GRAMD1C: variants seen among roughly 807,000 people sequenced by gnomAD.
GRAMD1C encodes the protein protein Aster-C.
In GRAMD1C, 89 loss-of-function variants were observed where a neutral mutation model predicts 97.8. That is an observed-to-expected ratio of 0.91 (90% CI 0.77 to 1.09). The LOEUF (loss-of-function observed/expected upper bound fraction) is 1.09. Among genes scored for constraint, GRAMD1C ranks in the 50% least tolerant of loss-of-function variants. The pLI is 0.00. For synonymous variants in GRAMD1C, 256 were observed against 267.0 expected, an observed-to-expected ratio of 0.96 and a Z score of 0.40; for missense variants, 740 against 766.4, an observed-to-expected ratio of 0.97 and a Z score of 0.41.
chr3:113,834,427 C>G (rs1015312114), upstream of GRAMD1C, among the ~76,000 whole-genome samples: 1 of 152,046 alleles, frequency 6.6e-6, no homozygotes, highest in South Asian at 2.1e-4. Context: ...GATCCACCTG[C>G]CTTGGTCTCC....
Position 113,933,616 on chromosome 3 carries a change from T to C in GRAMD1C, c.1315T>C (p.Cys439Arg). 1 of 1,605,006 alleles carries C rather than the reference T, an allele frequency of 6.2e-7. No homozygotes were observed. The highest frequency in any genetic ancestry group is 8.5e-7 in the Non-Finnish European group (1 of 1,171,772). The stretch of plus-strand genomic sequence containing the variant: ...TTACTTCTATACCGTGAACAGATAC[T>C]GTATCATCCGATCTTCAAAACAGAA... ...HDYFYTVNRY[C>R]IIRSSKQKCR... is the part of the protein sequence containing the mutation. The change falls in exon 12 of 18, where the codon TGT becomes CGT. Residue 439 changes from cysteine (C) to arginine (R), a missense_variant. Cys to Arg is a radical substitution (Grantham distance 180). Transcript: ENST00000358160.
chr3:113,869,087 C>T (rs1934692852), intron 2 of GRAMD1C, among the ~76,000 whole-genome samples: 1 of 152,020 alleles, frequency 6.6e-6, no homozygotes, highest in Non-Finnish European at 1.5e-5. Flanking sequence ...TGTTCCCACC[C>T]CCAAAGAACT....
chr3:113,926,116 G>C (rs983465302), intron 10 of GRAMD1C, among the ~76,000 whole-genome samples: 4 of 152,140 alleles, frequency 2.6e-5, no homozygotes, highest in Non-Finnish European at 4.4e-5. Context: ...GGTTGGGGAA[G>C]TTTTTGTGGA....
chr3:113,897,587 T>C (rs958620876), intron 6 of GRAMD1C: 3 of 981,930 alleles, frequency 3.1e-6, no homozygotes, highest in African/African-American at 3.5e-5. Context: ...GAAAAGCTTC[T>C]CATAGCAAAA....
At position 113,939,991 on chromosome 3, in the gene GRAMD1C, T is replaced by C; in HGVS notation, c.1797T>C (p.Ser599=). 1 of 1,525,416 alleles carries C rather than the reference T, an allele frequency of 6.6e-7. No homozygotes were observed. Among genetic ancestry groups the C allele is most frequent in the Non-Finnish European group, 9.1e-7 (1 of 1,099,102 alleles). The allele number at this position is 1,525,416 out of a possible 1,614,324, so 94.5% of individuals were successfully genotyped here. A position where few individuals can be genotyped will look rare whatever the true frequency, so the allele number is the denominator to read the frequency against. ...FYRLRLQEEK[S]LNLASDMVSR... ...GTCTCCGCCTCCAAGAAGAGAAATC[T>C]TTAAAGTAAGTCTTTTTCCCCCTGA... The change falls in exon 16 of 18, where the codon TCT becomes TCC. Residue 599 remains serine, a synonymous_variant. Coordinates refer to ENST00000358160, the MANE Select transcript of GRAMD1C (RefSeq NM_017577.5).
chr3:113,855,722 G>T (rs1030313757), intron 2 of GRAMD1C, among the ~76,000 whole-genome samples: 1 of 150,722 alleles, frequency 6.6e-6, no homozygotes, highest in African/African-American at 2.4e-5. Context: ...AAAAAAGAAA[G>T]AAAAAAATCA....
intron 6 of GRAMD1C, among the ~76,000 whole-genome samples, chr3:113,892,259 G>T (rs182577589): frequency 1.4e-4 from 21 of 152,186 alleles, no homozygotes; most frequent in African/African-American, 5.1e-4. Flanking sequence ...ACCACCTGAG[G>T]TTAGGAGTTT....
At chr3:113,908,821 T>C (rs1936459467) in intron 8 of GRAMD1C, 137 bp from the exon 9 acceptor site, 6 of 550,810 alleles carry the variant, frequency 1.1e-5, no homozygotes, top group Non-Finnish European at 1.6e-5. Flanking sequence ...GGAAATGTGA[T>C]GCAAGTATAA....
chr3:113,859,019 T>C (rs1192533279), intron 2 of GRAMD1C, among the ~76,000 whole-genome samples: 1 of 152,212 alleles, frequency 6.6e-6, no homozygotes, highest in Non-Finnish European at 1.5e-5. Context: ...TTTATTATTT[T>C]TAAAGAATCA....
chr3:113,860,076 T>C (rs947253350), intron 2 of GRAMD1C, among the ~76,000 whole-genome samples: 9 of 152,168 alleles, frequency 5.9e-5, no homozygotes, highest in African/African-American at 9.7e-5. Flanking sequence ...GGCTGGAGTT[T>C]AGTGATGCAA....
At chr3:113,837,924 A>G (rs1709665877), upstream of GRAMD1C, among the ~76,000 whole-genome samples, 1 of 152,188 alleles carries the variant, frequency 6.6e-6, no homozygotes, top group Non-Finnish European at 1.5e-5. Context: ...AAAAGAGAAA[A>G]AAGAGTTATT....
At chr3:113,904,086 C>T in intron 7 of GRAMD1C, 54 bp from the exon 8 acceptor site, 4 of 1,429,066 alleles carry the variant, frequency 2.8e-6, no homozygotes, top group Non-Finnish European at 3.9e-6. Flanking sequence ...GAGACCAAAT[C>T]ATTTATTTGT....
chr3:113,899,008 C>A (rs1036884161), intron 6 of GRAMD1C, among the ~76,000 whole-genome samples: 2 of 151,386 alleles, frequency 1.3e-5, no homozygotes, highest in African/African-American at 2.4e-5. Context: ...AACAAAGATG[C>A]CATAGTTACT....
intron 10 of GRAMD1C, among the ~76,000 whole-genome samples, chr3:113,916,990 G>A (rs193024831): frequency 1.3e-3 from 201 of 152,112 alleles, no homozygotes; most frequent in African/African-American, 4.5e-3. Flanking sequence ...ACAAAAATTA[G>A]CTGGGCATGG....
chr3:113,912,946 T>C (rs1275261942), intron 9 of GRAMD1C: 2 of 251,388 alleles, frequency 8.0e-6, no homozygotes, highest in Non-Finnish European at 1.6e-5. Context: ...AAGTAGGCAT[T>C]TTAAGGACTC....
intron 2 of GRAMD1C, among the ~76,000 whole-genome samples, chr3:113,857,658 G>A (rs1307180695): frequency 1.3e-5 from 2 of 152,178 alleles, no homozygotes; most frequent in African/African-American, 4.8e-5. Context: ...TTACAGGCAT[G>A]AGCCACCGTG....
At chr3:113,900,639 G>C (rs914952056) in intron 6 of GRAMD1C, among the ~76,000 whole-genome samples, 1 of 150,886 alleles carries the variant, frequency 6.6e-6, no homozygotes, top group Non-Finnish European at 1.5e-5. Flanking sequence ...TGTTGGCCAG[G>C]ATGGTCTCGA....
chr3:113,869,394 G>A lies in GRAMD1C; in HGVS notation c.175-113G>A, dbSNP rs1447158459. On this transcript the variant is annotated intron_variant, in intron 2 of 17. Transcript: ENST00000358160. Reference sequence around the variant, plus strand: ...GTTTTTGAAATGTTTATTTATATAAGGACATACAAAATATTGCATAGAAAG... The same window carrying A: ...GTTTTTGAAATGTTTATTTATATAAAGACATACAAAATATTGCATAGAAAG... 8 of 665,348 alleles carry A rather than the reference G, an allele frequency of 1.2e-5. No homozygotes were observed. The Admixed American group carries it at 2.5e-4, about 21-fold the overall frequency. 41.2% of individuals were successfully genotyped at this position (665,348 alleles called of 1,614,324 possible). A position where few individuals can be genotyped will look rare whatever the true frequency, so the allele number is the denominator to read the frequency against.
At chr3:113,844,775 T>C in intron 2 of GRAMD1C, 126 bp downstream of exon 2, 1 of 640,584 alleles carries the variant, frequency 1.6e-6, no homozygotes, top group Admixed American at 3.4e-5. Flanking sequence ...TCAATTTTAG[T>C]CCAGAGTCCC....
Sources: gnomAD v4.1 joint callset for allele counts (sites outside exome capture counted in the v4.1 genomes callset) on GRCh38, gnomAD v4.1.1 for gene constraint, MANE v1.5 for transcripts, NCBI Gene and HGNC (gene_info 2026-07-23, HGNC 2026-07-21) for gene names.